Variants in PLA2G4A observed in about 807,000 individuals in gnomAD.
The protein encoded by PLA2G4A is cytosolic phospholipase A2.
Under a neutral mutation model 81.9 loss-of-function variants are expected in PLA2G4A, and 40 were observed. The ratio of observed to expected loss-of-function variants is 0.49; its 90% confidence interval spans 0.38 to 0.64. The LOEUF (loss-of-function observed/expected upper bound fraction) is 0.64. Ranked by LOEUF, PLA2G4A falls within the 30% of genes least tolerant of loss-of-function variation. The pLI, the probability that PLA2G4A is intolerant of heterozygous loss-of-function variation, is 0.00. For missense variants in PLA2G4A, 715 were observed against 905.1 expected, an observed-to-expected ratio of 0.79 and a Z score of 2.69; for synonymous variants, 302 against 296.9, an observed-to-expected ratio of 1.02 and a Z score of -0.18.
chr1:186,909,764 A>G (rs1177402706), intron 6 of PLA2G4A, among the ~76,000 whole-genome samples: 3 of 151,786 alleles, frequency 2.0e-5, no homozygotes, highest in Non-Finnish European at 2.9e-5. Flanking sequence ...ATACTTTTAT[A>G]TACAGTTCAA....
intron 7 of PLA2G4A, among the ~76,000 whole-genome samples, chr1:186,927,798 A>G (rs1245377809): frequency 6.6e-6 from 1 of 152,174 alleles, no homozygotes; most frequent in Non-Finnish European, 1.5e-5. Flanking sequence ...GCAGAGCAAG[A>G]CAGTTTCTTC....
intron 5 of PLA2G4A, among the ~76,000 whole-genome samples, chr1:186,895,280 T>G (rs1187636264): frequency 6.6e-6 from 1 of 152,228 alleles, no homozygotes; most frequent in Non-Finnish European, 1.5e-5. Flanking sequence ...AGAAACCAAC[T>G]TAGCCCAAAT....
intron 1 of PLA2G4A, among the ~76,000 whole-genome samples, chr1:186,848,332 C>T (rs1652258878): frequency 6.6e-6 from 1 of 152,084 alleles, no homozygotes; most frequent in Non-Finnish European, 1.5e-5. Flanking sequence ...CTCTCTGCAT[C>T]CTTTTCCAAC....
chr1:186,878,231 T>C (rs1653583136), intron 3 of PLA2G4A, among the ~76,000 whole-genome samples: 1 of 143,136 alleles, frequency 7.0e-6, no homozygotes. Flanking sequence ...ATATTTTATA[T>C]ATATCTATAT....
At chr1:186,913,228 G>A (rs1655026499) in intron 7 of PLA2G4A, among the ~76,000 whole-genome samples, 1 of 151,544 alleles carries the variant, frequency 6.6e-6, no homozygotes, top group South Asian at 2.1e-4. Context: ...TTGAAGAAAT[G>A]ATTTATAATC....
Position 186,889,716 on chromosome 1 carries a change from C to T in PLA2G4A, c.116-3295C>T, listed in dbSNP as rs1370426050. 5.9e-5 allele frequency among the ~76,000 whole-genome samples: 9 copies of T among 152,152 alleles called. No homozygotes were observed. The East Asian group carries it at 1.7e-3, about 29-fold the overall frequency. On this transcript the variant is annotated intron_variant, in intron 3 of 17. Transcript: ENST00000367466. ...TGGGGGGGAAACCCAATCAATAGGT[C>T]AGAAACTATTATTTTTGCTTTTCCT...
At chr1:186,886,329 G>T (rs190572766) in intron 3 of PLA2G4A, among the ~76,000 whole-genome samples, 33 of 152,142 alleles carry the variant, frequency 2.2e-4, no homozygotes, top group South Asian at 8.3e-4. Context: ...GCAATGCAAG[G>T]GCTAAAGGCA....
intron 13 of PLA2G4A, among the ~76,000 whole-genome samples, chr1:186,954,991 G>T (rs1297370224): frequency 1.3e-5 from 2 of 152,118 alleles, no homozygotes; most frequent in African/African-American, 4.8e-5. Context: ...ACTTTAGGAG[G>T]TTTATCAGTG....
At chr1:186,966,096 G>A (rs1469141552) in intron 15 of PLA2G4A, among the ~76,000 whole-genome samples, 2 of 146,496 alleles carry the variant, frequency 1.4e-5, no homozygotes, top group Non-Finnish European at 3.0e-5. Flanking sequence ...AGACCAGAGT[G>A]GTTTGAGGGA....
At chr1:186,899,750 T>C (rs898362701) in intron 5 of PLA2G4A, among the ~76,000 whole-genome samples, 7 of 152,132 alleles carry the variant, frequency 4.6e-5, no homozygotes, top group African/African-American at 1.7e-4. Flanking sequence ...CAAGCAATGT[T>C]AACAGGTAGA....
At position 186,932,903 on chromosome 1, in the gene PLA2G4A, A is replaced by C. The variant is rs1172223277; in HGVS notation, c.695+4A>C. On this transcript the variant is annotated splice_donor_region_variant and intron_variant, in intron 8 of 17. Transcript: ENST00000367466. ...CTGGTCTTTCTGGCTCCACCTGGTT[A>C]GTATACATTTTTAATTTTAGTTTTA... 1 of 1,602,572 alleles carries C rather than the reference A, an allele frequency of 6.2e-7. No homozygotes were observed. The highest frequency in any genetic ancestry group is 1.1e-5 in the South Asian group (1 of 90,692).
At chr1:186,940,245 A>T in intron 10 of PLA2G4A, 151 bp downstream of exon 10, 1 of 653,934 alleles carries the variant, frequency 1.5e-6, no homozygotes, top group South Asian at 1.7e-5. Context: ...GAAAATATTA[A>T]GTGAGATGAT....
rs185605234 is a variant in PLA2G4A, at chr1:186,962,381, G to C, written c.1580-3028G>C. ...GGGACTACCATACTCCCATTATTGTGTTTTTAAATGTTAGGTTGAATTGCG... is the reference window on the plus strand; with the variant it reads ...GGGACTACCATACTCCCATTATTGTCTTTTTAAATGTTAGGTTGAATTGCG... On this transcript the variant is annotated intron_variant, in intron 14 of 17. Coordinates refer to ENST00000367466, the MANE Select transcript of PLA2G4A (RefSeq NM_024420.3). Among the ~76,000 whole-genome samples, 291 of 152,032 alleles carry C rather than the reference G, an allele frequency of 1.9e-3. 4 individuals are homozygous for C. Among genetic ancestry groups the C allele is most frequent in the Middle Eastern group, 6.8e-3 (2 of 292 alleles).
chr1:186,939,959 T>A (rs538026709), intron 9 of PLA2G4A, 21 bp from the exon 10 acceptor site: 3 of 1,111,362 alleles, frequency 2.7e-6, no homozygotes, highest in African/African-American at 3.1e-5. Flanking sequence ...AAAGTCATCT[T>A]TTTCTTTCTT....
chr1:186,948,224 T>G (rs919658172), intron 12 of PLA2G4A, among the ~76,000 whole-genome samples: 1 of 152,080 alleles, frequency 6.6e-6, no homozygotes, highest in African/African-American at 2.4e-5. Flanking sequence ...AGCCAAAGAT[T>G]TTAAAATAAA....
At chr1:186,918,888 C>T (rs982153265) in intron 7 of PLA2G4A, among the ~76,000 whole-genome samples, 4 of 152,198 alleles carry the variant, frequency 2.6e-5, no homozygotes, top group Non-Finnish European at 5.9e-5. Flanking sequence ...TCAGGTTTTG[C>T]CCAAGGGTTA....
At chr1:186,894,272 G>C in intron 5 of PLA2G4A, 61 bp downstream of exon 5, 1 of 782,310 alleles carries the variant, frequency 1.3e-6, no homozygotes, top group South Asian at 1.4e-5. Flanking sequence ...TTGATTCTGG[G>C]AAGTTGGGTT....
chr1:186,843,453 TA>T lies in PLA2G4A; in HGVS notation c.-69-10831del, dbSNP rs528481143. ...TGCTTATTCATCCTTCAGTCAATAG[TA>T]ATTGAATTATCACTCCGGGCCCAAC... On this transcript the variant is annotated intron_variant, in intron 1 of 17. Transcript: ENST00000367466. 1.0e-3 allele frequency among the ~76,000 whole-genome samples: 154 copies of T among 152,334 alleles called. 1 individual carries two copies. The highest frequency in any genetic ancestry group is 3.4e-3 in the African/African-American group (141 of 41,578).
At chr1:186,864,485 T>A (rs566799114) in intron 2 of PLA2G4A, among the ~76,000 whole-genome samples, 1 of 152,168 alleles carries the variant, frequency 6.6e-6, no homozygotes, top group African/African-American at 2.4e-5. Context: ...GTTTTTTTAA[T>A]GGCAATTCTA....
Sources: allele counts gnomAD v4.1 joint callset (sites outside exome capture counted in the v4.1 genomes callset), GRCh38; gene constraint gnomAD v4.1.1; transcripts MANE v1.5; gene names NCBI Gene and HGNC (gene_info 2026-07-23, HGNC 2026-07-21).